The following CNTN5 variants were observed in gnomAD, a reference collection of about 807,000 sequenced individuals.
CNTN5 encodes the protein contactin 5, also known as contactin-5.
A neutral mutation model predicts 129.1 loss-of-function variants in CNTN5; 77 were observed. The observed-to-expected ratio is 0.60, with a 90% CI of 0.50 to 0.72. The LOEUF (loss-of-function observed/expected upper bound fraction) is 0.72. Among genes scored for constraint, CNTN5 ranks in the 30% least tolerant of loss-of-function variants. The probability of loss-of-function intolerance (pLI) is 0.00; values close to 1 mark genes in which losing one functional copy is unlikely to be tolerated. For missense variants in CNTN5, 1,478 were observed against 1,328.8 expected, an observed-to-expected ratio of 1.11 and a Z score of -1.75; for synonymous variants, 509 against 465.6, an observed-to-expected ratio of 1.09 and a Z score of -1.20.
chr11:99,230,049 T>C (rs1482432147), intron 1 of CNTN5, among the ~76,000 whole-genome samples: 1 of 152,152 alleles, frequency 6.6e-6, no homozygotes, highest in African/African-American at 2.4e-5. Flanking sequence ...TCCAAGATTC[T>C]TTTTCTTGTG....
intron 13 of CNTN5, among the ~76,000 whole-genome samples, chr11:100,147,821 C>T (rs967779547): frequency 6.6e-6 from 1 of 152,050 alleles, no homozygotes; most frequent in African/African-American, 2.4e-5. Context: ...TGGTGGGATA[C>T]AGGAAGCCTT....
At chr11:100,072,506 T>C (rs1404556224) in intron 12 of CNTN5, among the ~76,000 whole-genome samples, 1 of 152,216 alleles carries the variant, frequency 6.6e-6, no homozygotes, top group East Asian at 1.9e-4. Context: ...CTTTTCCCAC[T>C]TTGATTTTTT....
intron 13 of CNTN5, among the ~76,000 whole-genome samples, chr11:100,146,432 A>G (rs1404529979): frequency 5.3e-5 from 8 of 152,142 alleles, no homozygotes; most frequent in Non-Finnish European, 1.2e-4. Context: ...TTGTGTTTTT[A>G]TAACATTAGA....
chr11:99,663,483 A>G (rs1316141027), intron 3 of CNTN5, among the ~76,000 whole-genome samples: 1 of 152,160 alleles, frequency 6.6e-6, no homozygotes, highest in African/African-American at 2.4e-5. Context: ...ACAATGAAAC[A>G]AAACAAAAAA....
At chr11:99,238,936 G>A (rs1416050710) in intron 1 of CNTN5, among the ~76,000 whole-genome samples, 1 of 152,046 alleles carries the variant, frequency 6.6e-6, no homozygotes, top group African/African-American at 2.4e-5. Flanking sequence ...ATGTAGAAAA[G>A]TTATAAGAAA....
At chr11:99,716,680 G>A (rs1314586903) in intron 3 of CNTN5, among the ~76,000 whole-genome samples, 1 of 151,950 alleles carries the variant, frequency 6.6e-6, no homozygotes, top group Non-Finnish European at 1.5e-5. Context: ...AATTAATATT[G>A]CAACCAGCTT....
intron 3 of CNTN5, among the ~76,000 whole-genome samples, chr11:99,725,114 G>C (rs143189119): frequency 1.3e-5 from 2 of 152,294 alleles, no homozygotes; most frequent in Non-Finnish European, 1.5e-5. Flanking sequence ...AATTATCTGT[G>C]TAATTAGATG....
At chr11:99,282,295 A>G (rs1372327961) in intron 1 of CNTN5, among the ~76,000 whole-genome samples, 2 of 152,070 alleles carry the variant, frequency 1.3e-5, no homozygotes, top group African/African-American at 2.4e-5. Flanking sequence ...AAAAAGAAAT[A>G]GATAATAGCA....
chr11:99,077,348 A>C (rs1169585911), intron 1 of CNTN5, among the ~76,000 whole-genome samples: 1 of 152,244 alleles, frequency 6.6e-6, no homozygotes, highest in Non-Finnish European at 1.5e-5. Flanking sequence ...TTCTTTGCTA[A>C]AACATTGACC....
chr11:99,031,689 T>A (rs1336923906), intron 1 of CNTN5, among the ~76,000 whole-genome samples: 1 of 152,094 alleles, frequency 6.6e-6, no homozygotes, highest in African/African-American at 2.4e-5. Context: ...AAGGTGTCTT[T>A]TAATCTTTGC....
intron 3 of CNTN5, among the ~76,000 whole-genome samples, chr11:99,578,911 A>G (rs942484418): frequency 2.6e-5 from 4 of 152,060 alleles, no homozygotes; most frequent in East Asian, 3.9e-4. Flanking sequence ...GCCCATGCCT[A>G]TGTCCTGAAT....
At chr11:100,148,646 T>C (rs1396923648) in intron 13 of CNTN5, among the ~76,000 whole-genome samples, 2 of 152,136 alleles carry the variant, frequency 1.3e-5, no homozygotes, top group Non-Finnish European at 2.9e-5. Flanking sequence ...TTCTGTGAGA[T>C]GCATGAAGCC....
intron 15 of CNTN5, among the ~76,000 whole-genome samples, chr11:100,194,859 C>T (rs1436817287): frequency 1.3e-5 from 2 of 149,924 alleles, no homozygotes; most frequent in Admixed American, 1.4e-4. Context: ...CAAAAATTAG[C>T]CCACTTTCTT....
chr11:99,192,949 G>T (rs1591338486), intron 1 of CNTN5, among the ~76,000 whole-genome samples: 1 of 152,010 alleles, frequency 6.6e-6, no homozygotes, highest in Non-Finnish European at 1.5e-5. Flanking sequence ...TGGCATTTGT[G>T]TATTGTACAT....
At chr11:99,617,038 G>C (rs1172622455) in intron 3 of CNTN5, among the ~76,000 whole-genome samples, 1 of 152,216 alleles carries the variant, frequency 6.6e-6, no homozygotes, top group African/African-American at 2.4e-5. Context: ...TTGAACCCAG[G>C]AGGTGGAGGT....
chr11:99,076,665 T>A (rs1362344415), intron 1 of CNTN5, among the ~76,000 whole-genome samples: 4 of 152,104 alleles, frequency 2.6e-5, no homozygotes, highest in African/African-American at 9.7e-5. Flanking sequence ...ATACAAAAAA[T>A]TGGACATTTA....
rs1591399197 is a variant in CNTN5, at chr11:99,637,430, G to T, written c.55+81161G>T. Among the ~76,000 whole-genome samples the T allele has an allele frequency of 2.0e-5, 3 of 152,078 alleles. No individual in the cohort carries two copies. In the East Asian group the frequency reaches 5.8e-4, roughly 29 times the overall value. ...TAAACATAAGCAAACACATCACATGGCAATCATGTACATGTATACATAGAG... is the reference window on the plus strand; with the variant it reads ...TAAACATAAGCAAACACATCACATGTCAATCATGTACATGTATACATAGAG... On this transcript the variant is annotated intron_variant, in intron 3 of 24. Transcript: ENST00000524871.
chr11:100,152,436 A>C (rs1947096762), intron 13 of CNTN5, among the ~76,000 whole-genome samples: 1 of 152,158 alleles, frequency 6.6e-6, no homozygotes, highest in African/African-American at 2.4e-5. Flanking sequence ...GCAAACAAAA[A>C]ACCCCCGCTG....
intron 15 of CNTN5, among the ~76,000 whole-genome samples, chr11:100,210,860 G>A (rs886707857): frequency 7.9e-5 from 12 of 152,114 alleles, no homozygotes; most frequent in African/African-American, 1.4e-4. Context: ...TATATGGCTC[G>A]ATATGCCAAA....
Sources: allele counts gnomAD v4.1 joint callset (sites outside exome capture counted in the v4.1 genomes callset), GRCh38; gene constraint gnomAD v4.1.1; transcripts MANE v1.5; gene names NCBI Gene and HGNC (gene_info 2026-07-23, HGNC 2026-07-21).